BSN: variants seen among roughly 807,000 people sequenced by gnomAD.
BSN encodes the protein bassoon presynaptic cytomatrix protein.
A neutral mutation model predicts 264.8 loss-of-function variants in BSN; 57 were observed. The observed-to-expected ratio is 0.22, with a 90% CI of 0.17 to 0.27. BSN has a LOEUF of 0.27. Among genes scored for constraint, BSN ranks in the 10% least tolerant of loss-of-function variants. The probability of loss-of-function intolerance (pLI) is 1.00; values close to 1 mark genes in which losing one functional copy is unlikely to be tolerated. For synonymous variants in BSN, 2,059 were observed against 2,137.3 expected (o/e 0.96, Z 1.01); for missense variants, 4,615 against 5,232.5 (o/e 0.88, Z 3.64).
chr3:49,620,983 A>C (rs999826197), intron 1 of BSN, among the ~76,000 whole-genome samples: 1 of 152,226 alleles, frequency 6.6e-6, no homozygotes, highest in African/African-American at 2.4e-5. Flanking sequence ...GAATGGCTCA[A>C]ACCAGGTGGG....
At chr3:49,604,282 A>T (rs2052093991) in intron 1 of BSN, among the ~76,000 whole-genome samples, 1 of 152,018 alleles carries the variant, frequency 6.6e-6, no homozygotes, top group East Asian at 1.9e-4. Context: ...AGATACATTC[A>T]CATTGTTGTT....
rs1045798381 is a variant in BSN at position 49,625,764 on chromosome 3, A to G, written c.633+381A>G. 2.0e-5 allele frequency among the ~76,000 whole-genome samples: 3 copies of G among 152,184 alleles called. No individual in the cohort carries two copies. Among genetic ancestry groups the G allele is most frequent in the African/African-American group, 7.2e-5 (3 of 41,446 alleles). ...CAGCTCTAGGACACAGAGGGAGGCA[A>G]ATTTCCCTGATCTAGGCCAGGAGGC... is the stretch of plus-strand genomic sequence containing the variant. On this transcript the variant is annotated intron_variant, in intron 2 of 11. Transcript: ENST00000296452. This position sits in a 1 kb window ranked among gnomAD's most constrained non-coding sequence, Gnocchi z 4.4.
chr3:49,664,994 C>T, intron 10 of BSN, 141 bp downstream of exon 10: 1 of 679,168 alleles, frequency 1.5e-6, no homozygotes, highest in East Asian at 2.5e-5. Flanking sequence ...TGCAATGTTC[C>T]CTTCTCTGAA....
chr3:49,592,212 C>T (rs960345058), intron 1 of BSN, among the ~76,000 whole-genome samples: 6 of 151,572 alleles, frequency 4.0e-5, no homozygotes, highest in African/African-American at 9.7e-5. Context: ...CGGGTTCAAG[C>T]GATTCTCCTG....
rs1334647657 is a variant in BSN at position 49,661,192 on chromosome 3, G to A, written c.9347G>A (p.Gly3116Asp). ...LPNQQAFRPTGHYAGQTPMPT... is the reference protein window; with the variant it reads ...LPNQQAFRPTDHYAGQTPMPT... ...AACCAGCAGGCTTTCCGCCCCACAG[G>A]CCACTATGCAGGCCAAACACCCATG... The change falls in exon 6 of 12, where the codon GGC becomes GAC. Residue 3116 changes from glycine to aspartate, a missense_variant. This residue lies in a region of BSN where 3,415 missense variants were observed against 3,866.4 expected (regional missense o/e 0.88). Transcript: ENST00000296452. The A allele has an allele frequency of 6.2e-6, 10 of 1,613,434 alleles. No individual in the cohort carries two copies. The South Asian group carries it at 8.8e-5, about 14-fold the overall frequency.
chr3:49,650,848 G>A lies in BSN; in HGVS notation c.1755G>A (p.Lys585=). ...CCAAGGCCAGCCCTCTGCCCAGCAA[G>A]GCCAGCCCCCAGGCCAAGCCCCTCA... ...LSTKASPLPS[K]ASPQAKPLRA... Residue 585 remains lysine, a synonymous_variant, in exon 4 of 12, where the codon AAG becomes AAA. Transcript: ENST00000296452. The A allele has an allele frequency of 1.9e-6, 3 of 1,614,176 alleles. No homozygotes were observed. The highest frequency in any genetic ancestry group is 2.5e-6 in the Non-Finnish European group (3 of 1,180,006).
At chr3:49,588,062 T>C (rs1014168599) in intron 1 of BSN, among the ~76,000 whole-genome samples, 29 of 151,804 alleles carry the variant, frequency 1.9e-4, no homozygotes, top group African/African-American at 6.8e-4. Flanking sequence ...GCTGGGATTA[T>C]AGGCGCCTGC....
At chr3:49,606,843 C>T (rs562558989) in intron 1 of BSN, among the ~76,000 whole-genome samples, 1 of 152,272 alleles carries the variant, frequency 6.6e-6, no homozygotes, top group South Asian at 2.1e-4. Flanking sequence ...AGGCTGGGCA[C>T]GGTGGCTCAC....
chr3:49,569,584 C>G (rs1367518659), intron 1 of BSN, among the ~76,000 whole-genome samples: 2 of 152,188 alleles, frequency 1.3e-5, no homozygotes, highest in Non-Finnish European at 2.9e-5. Context: ...AGCTCTGACT[C>G]AGTGGGGGAC....
intron 1 of BSN, among the ~76,000 whole-genome samples, chr3:49,596,860 G>A (rs2052027724): frequency 6.6e-6 from 1 of 151,980 alleles, no homozygotes; most frequent in Non-Finnish European, 1.5e-5. Context: ...AATCATGAAT[G>A]GGTGTTAGCT....
chr3:49,615,124 A>T (rs1374920286), intron 1 of BSN, among the ~76,000 whole-genome samples: 1 of 152,246 alleles, frequency 6.6e-6, no homozygotes, highest in Non-Finnish European at 1.5e-5. Flanking sequence ...GTCAGAGCTC[A>T]CTGCCTTAAA....
intron 1 of BSN, among the ~76,000 whole-genome samples, chr3:49,558,319 C>A (rs138735060): frequency 2.0e-5 from 3 of 152,342 alleles, no homozygotes; most frequent in Non-Finnish European, 4.4e-5. Context: ...GCAAAGCCAA[C>A]AGAGGCCCTT....
At chr3:49,641,561 A>G (rs1164558924) in intron 2 of BSN, 1 of 152,074 alleles carries the variant, frequency 6.6e-6, no homozygotes, top group African/African-American at 2.4e-5. Context: ...TTAAAAAGCT[A>G]TCTTCCTTAA....
intron 1 of BSN, among the ~76,000 whole-genome samples, chr3:49,568,405 G>A (rs941704586): frequency 1.3e-5 from 2 of 152,148 alleles, no homozygotes; most frequent in Non-Finnish European, 2.9e-5. Context: ...AAGATATATT[G>A]AGAGAAGTCT....
At chr3:49,645,351 A>G (rs537271104) in intron 3 of BSN, among the ~76,000 whole-genome samples, 40 of 152,252 alleles carry the variant, frequency 2.6e-4, no homozygotes, top group African/African-American at 8.9e-4. Context: ...TGCCTCTCCC[A>G]TGATTCCCAC....
intron 1 of BSN, among the ~76,000 whole-genome samples, chr3:49,559,684 T>C (rs958156770): frequency 6.6e-6 from 1 of 152,234 alleles, no homozygotes; most frequent in Admixed American, 6.5e-5. Flanking sequence ...TTTTGCTCCT[T>C]GCAGTTTATT....
At position 49,585,855 on chromosome 3, in the gene BSN, A is replaced by T. The variant is rs192503777; in HGVS notation, c.224+31029A>T. On this transcript the variant is annotated intron_variant, in intron 1 of 11. Coordinates refer to ENST00000296452, the MANE Select transcript of BSN (RefSeq NM_003458.4). This position sits in a 1 kb window ranked among gnomAD's most constrained non-coding sequence, Gnocchi z 4.7. ...ATTTGCATTTCTCTGATGATCAATG[A>T]TGTTGAATACCTTTTTATATGCCTG... 3.9e-5 allele frequency among the ~76,000 whole-genome samples: 6 copies of T among 152,334 alleles called. No homozygotes were observed. Among genetic ancestry groups the T allele is most frequent in the Non-Finnish European group, 8.8e-5 (6 of 68,036 alleles).
intron 1 of BSN, among the ~76,000 whole-genome samples, chr3:49,624,425 T>C (rs761835104): frequency 2.0e-5 from 3 of 150,374 alleles, no homozygotes; most frequent in Non-Finnish European, 4.4e-5. Flanking sequence ...CAGCCTCCCA[T>C]GTAGCTGGGT....
At chr3:49,602,716 A>C (rs946198029) in intron 1 of BSN, among the ~76,000 whole-genome samples, 149 of 152,280 alleles carry the variant, frequency 9.8e-4, no homozygotes, top group African/African-American at 3.5e-3. Context: ...AAGTGCTGGG[A>C]TTACAGGCGT....
Sources: gnomAD v4.1 joint callset for allele counts (sites outside exome capture counted in the v4.1 genomes callset) on GRCh38, gnomAD v4.1.1 for gene constraint, gnomAD v4.1.1 regional missense constraint, Gnocchi (gnomAD v3.1) non-coding constraint, MANE v1.5 for transcripts, NCBI Gene and HGNC (gene_info 2026-07-23, HGNC 2026-07-21) for gene names.